The following GRIP1 variants were observed in gnomAD, a reference collection of about 807,000 sequenced individuals.
GRIP1 encodes glutamate receptor-interacting protein 1.
Under a neutral mutation model 129.9 loss-of-function variants are expected in GRIP1, and 45 were observed. The observed-to-expected ratio is 0.35, with a 90% CI of 0.27 to 0.44. The LOEUF is 0.44. GRIP1 is among the 20% of genes least tolerant of loss of function. The probability of loss-of-function intolerance (pLI) is 1.00; values close to 1 mark genes in which losing one functional copy is unlikely to be tolerated. For synonymous variants in GRIP1, 530 were observed against 520.8 expected (o/e 1.02, Z -0.24); for missense variants, 1,196 against 1,396.8 (o/e 0.86, Z 2.29).
At position 66,436,149 on chromosome 12, in the gene GRIP1, A is replaced by C. The variant is rs184622736; in HGVS notation, c.1688-3521T>G. 1.2e-3 allele frequency among the ~76,000 whole-genome samples: 184 copies of C among 152,364 alleles called. 3 individuals are homozygous for C. Among genetic ancestry groups the C allele is most frequent in the African/African-American group, 4.1e-3 (172 of 41,586 alleles). On this transcript the variant is annotated intron_variant, in intron 13 of 24. Transcript: ENST00000359742. ...TTGCTTTATCTTTGTTAATGCTATA[A>C]TTAAAAACACATTTGGGTAAACAAA...
chr12:66,357,306 G>C (rs1409294872), intron 23 of GRIP1, among the ~76,000 whole-genome samples: 1 of 152,174 alleles, frequency 6.6e-6, no homozygotes, highest in Non-Finnish European at 1.5e-5. Context: ...CTGTGCTGCT[G>C]ATCTATTGCT....
chr12:66,827,391 A>T (rs2870915), intron 1 of GRIP1, among the ~76,000 whole-genome samples: 37,459 of 99,456 alleles, frequency 0.38, 5,724 homozygotes, highest in Non-Finnish European at 0.49. Context: ...TGTGTGTGAG[A>T]GAGAGAGAGA....
chr12:66,403,780 G>A (rs2057092416), intron 16 of GRIP1, among the ~76,000 whole-genome samples: 1 of 152,128 alleles, frequency 6.6e-6, no homozygotes, highest in Non-Finnish European at 1.5e-5. Context: ...AGGGTATAAA[G>A]GGGGAAAATG....
chr12:66,834,277 G>A (rs946905126), intron 1 of GRIP1, among the ~76,000 whole-genome samples: 3 of 150,780 alleles, frequency 2.0e-5, no homozygotes, highest in Admixed American at 1.3e-4. Context: ...CTGAGGCTTT[G>A]AGACATTACC....
At chr12:66,866,953 A>G (rs1280870367) in intron 1 of GRIP1, among the ~76,000 whole-genome samples, 2 of 152,118 alleles carry the variant, frequency 1.3e-5, no homozygotes, top group African/African-American at 2.4e-5. Flanking sequence ...CAATTTTTAA[A>G]AGAAAGAATA....
At chr12:66,947,899 G>A (rs1407811092) in intron 1 of GRIP1, among the ~76,000 whole-genome samples, 2 of 152,144 alleles carry the variant, frequency 1.3e-5, no homozygotes, top group Non-Finnish European at 2.9e-5. Flanking sequence ...ATGTTCCAGG[G>A]CATGAAGGGG....
Position 66,756,850 on chromosome 12 carries a change from C to T in GRIP1, c.-420+47203G>A, listed in dbSNP as rs1199946243. Among the ~76,000 whole-genome samples the T allele has an allele frequency of 2.0e-5, 3 of 152,158 alleles. No homozygotes were observed. In the East Asian group the frequency reaches 5.8e-4, roughly 29 times the overall value. ...GGCAAAGCTGGGGTTTGAATCTAAGCCCTTCTGCCTTCAGAGACTGCCACT... is the reference window on the plus strand; with the variant it reads ...GGCAAAGCTGGGGTTTGAATCTAAGTCCTTCTGCCTTCAGAGACTGCCACT... On this transcript the variant is annotated intron_variant, in intron 1 of 4. Coordinates refer to the GRIP1 transcript ENST00000538373.
chr12:66,993,240 T>C (rs2042420452), intron 1 of GRIP1, among the ~76,000 whole-genome samples: 2 of 152,148 alleles, frequency 1.3e-5, no homozygotes, highest in Non-Finnish European at 2.9e-5. Flanking sequence ...GAAACACCTA[T>C]ATCAGAAAGG....
chr12:66,368,993 C>T (rs2055315525), intron 23 of GRIP1, among the ~76,000 whole-genome samples: 2 of 152,188 alleles, frequency 1.3e-5, no homozygotes, highest in African/African-American at 4.8e-5. Context: ...TCCATAGTAT[C>T]TGGCCACAGG....
chr12:66,537,475 A>G (rs757709375), intron 4 of GRIP1, among the ~76,000 whole-genome samples: 18 of 151,866 alleles, frequency 1.2e-4, no homozygotes, highest in Non-Finnish European at 2.6e-4. Flanking sequence ...CTACTTGACA[A>G]TATGTGTTCT....
At chr12:66,726,602 C>T (rs1592782293) in intron 1 of GRIP1, among the ~76,000 whole-genome samples, 1 of 152,146 alleles carries the variant, frequency 6.6e-6, no homozygotes, top group Non-Finnish European at 1.5e-5. Flanking sequence ...AAAGGTTAAG[C>T]ACCTATTTAT....
chr12:66,502,314 T>C (rs1004890850), intron 7 of GRIP1, among the ~76,000 whole-genome samples: 5 of 152,186 alleles, frequency 3.3e-5, no homozygotes, highest in African/African-American at 9.7e-5. Context: ...TATAAGTTAT[T>C]TGTCCATGTT....
chr12:66,832,312 C>T (rs182856385), intron 1 of GRIP1, among the ~76,000 whole-genome samples: 4 of 152,192 alleles, frequency 2.6e-5, no homozygotes, highest in South Asian at 2.1e-4. Context: ...GAGCACAATG[C>T]CTTATGTTTC....
chr12:66,535,777 T>G (rs889936530), intron 4 of GRIP1, among the ~76,000 whole-genome samples: 2 of 152,232 alleles, frequency 1.3e-5, no homozygotes, highest in African/African-American at 4.8e-5. Flanking sequence ...TGACTGATTA[T>G]GCACATGTTT....
intron 19 of GRIP1, among the ~76,000 whole-genome samples, chr12:66,382,424 T>C (rs1054060988): frequency 2.0e-5 from 3 of 152,206 alleles, no homozygotes; most frequent in Non-Finnish European, 4.4e-5. Context: ...AAATCCTAGC[T>C]TAGCCACTTC....
At chr12:66,580,814 C>T (rs1565882027) in intron 2 of GRIP1, among the ~76,000 whole-genome samples, 2 of 151,508 alleles carry the variant, frequency 1.3e-5, no homozygotes, top group South Asian at 2.1e-4. Flanking sequence ...TAATGGGAGA[C>T]TTTAACACCC....
At chr12:66,801,327 G>A (rs1179994995) in intron 1 of GRIP1, among the ~76,000 whole-genome samples, 1 of 152,074 alleles carries the variant, frequency 6.6e-6, no homozygotes, top group Non-Finnish European at 1.5e-5. Flanking sequence ...GCCATCTCAT[G>A]TACATTGACA....
chr12:66,714,539 A>G (rs576147351), intron 1 of GRIP1, among the ~76,000 whole-genome samples: 79 of 152,174 alleles, frequency 5.2e-4, no homozygotes, highest in African/African-American at 1.7e-3. Flanking sequence ...ATTATACTAA[A>G]TAGCCTCTTT....
chr12:66,828,951 T>G (rs1371167750), intron 1 of GRIP1, among the ~76,000 whole-genome samples: 1 of 152,202 alleles, frequency 6.6e-6, no homozygotes, highest in Admixed American at 6.5e-5. Context: ...AGCCACTGAT[T>G]GAAGGATCTT....
Sources: gnomAD v4.1 joint callset for allele counts (sites outside exome capture counted in the v4.1 genomes callset) on GRCh38, gnomAD v4.1.1 for gene constraint, MANE v1.5 for transcripts, NCBI Gene and HGNC (gene_info 2026-07-23, HGNC 2026-07-21) for gene names.